The following PCMTD2 variants were observed in gnomAD, a reference collection of about 807,000 sequenced individuals.
PCMTD2 encodes protein-L-isoaspartate (D-aspartate) O-methyltransferase domain containing 2.
In PCMTD2, 16 loss-of-function variants were observed where a neutral mutation model predicts 33.4. The ratio of observed to expected loss-of-function variants is 0.48; its 90% CI spans 0.32 to 0.73. The LOEUF (loss-of-function observed/expected upper bound fraction) is 0.73. PCMTD2 is among the 30% of genes least tolerant of loss of function. The pLI is 0.03. For synonymous variants in PCMTD2, 161 were observed against 160.8 expected (o/e 1.00, Z -0.01); for missense variants, 374 against 449.9 (o/e 0.83, Z 1.53).
chr20:64,270,759 C>G (rs974402696), intron 5 of PCMTD2, among the ~76,000 whole-genome samples: 1 of 144,028 alleles, frequency 6.9e-6, no homozygotes, highest in African/African-American at 2.7e-5. Flanking sequence ...GTGAGGTGTT[C>G]GTTGTGATAC....
intron 2 of PCMTD2, among the ~76,000 whole-genome samples, chr20:64,262,235 C>T (rs559792365): frequency 7.9e-5 from 12 of 151,750 alleles, no homozygotes; most frequent in African/African-American, 2.4e-4. Context: ...GTCTGGCTAA[C>T]GGAGCCAGAC....
chr20:64,257,843 T>G (rs895671528), intron 1 of PCMTD2, among the ~76,000 whole-genome samples: 6 of 152,224 alleles, frequency 3.9e-5, no homozygotes, highest in African/African-American at 1.4e-4. Flanking sequence ...AGCCCCCTCC[T>G]CACAAACTGG....
At chr20:64,273,167 TGTG>T (rs1456292215) in intron 5 of PCMTD2, 51 bp from the exon 6 acceptor site, 3 of 1,503,338 alleles carry the variant, frequency 2.0e-6, no homozygotes, top group Non-Finnish European at 2.7e-6. Context: ...GTGTAGGCGT[TGTG>T]GTGGTGTCAC....
At chr20:64,256,139 A>G (rs1390117447) in intron 1 of PCMTD2, among the ~76,000 whole-genome samples, 2 of 152,182 alleles carry the variant, frequency 1.3e-5, no homozygotes, top group Non-Finnish European at 2.9e-5. Flanking sequence ...GGGTCTGGTT[A>G]GTCCAGACCT....
rs139887900 is a variant in PCMTD2 at position 64,260,647 on chromosome 20, C to T, written c.307+375C>T. Reference sequence around the variant, plus strand: ...CTTCCTTGTCACTCCTTCTCTAAATCGATGGTAATTAACTTGAAAGTCCTT... The same window carrying T: ...CTTCCTTGTCACTCCTTCTCTAAATTGATGGTAATTAACTTGAAAGTCCTT... On this transcript the variant is annotated intron_variant, in intron 2 of 5. Coordinates refer to ENST00000308824, the MANE Select transcript of PCMTD2 (RefSeq NM_018257.3). Among the ~76,000 whole-genome samples the T allele has an allele frequency of 3.0e-3, 448 of 151,242 alleles. 3 individuals carry two copies. The highest frequency in any genetic ancestry group is 5.5e-3 in the Non-Finnish European group (373 of 67,906).
chr20:64,263,503 G>C (rs975983149), intron 2 of PCMTD2, among the ~76,000 whole-genome samples: 1 of 152,330 alleles, frequency 6.6e-6, no homozygotes, highest in African/African-American at 2.4e-5. Context: ...CACTGTAGTA[G>C]TATATCTGTC....
At chr20:64,260,553 C>T (rs1465548559) in intron 2 of PCMTD2, among the ~76,000 whole-genome samples, 1 of 152,096 alleles carries the variant, frequency 6.6e-6, no homozygotes, top group Non-Finnish European at 1.5e-5. Flanking sequence ...CTCTGGACAG[C>T]GGAGGATAAA....
At chr20:64,272,639 T>C (rs997314380) in intron 5 of PCMTD2, among the ~76,000 whole-genome samples, 1 of 152,138 alleles carries the variant, frequency 6.6e-6, no homozygotes, top group African/African-American at 2.4e-5. Context: ...GCCAACGTGG[T>C]TGAAACCCCG....
intron 5 of PCMTD2, among the ~76,000 whole-genome samples, chr20:64,270,525 G>A (rs1025128158): frequency 1.3e-5 from 2 of 151,256 alleles, no homozygotes; most frequent in African/African-American, 4.9e-5. Context: ...GCACGATGTG[G>A]GGTCTTGTGA....
At chr20:64,259,912 A>C (rs1320954898) in intron 1 of PCMTD2, 30 bp from the exon 2 acceptor site, 7 of 1,120,544 alleles carry the variant, frequency 6.2e-6, no homozygotes, top group Non-Finnish European at 9.3e-6. Context: ...TTTAACATAA[A>C]TCGCTCTTTT....
chr20:64,272,229 T>A (rs940475300), intron 5 of PCMTD2: 1 of 471,070 alleles, frequency 2.1e-6, no homozygotes, highest in African/African-American at 2.0e-5. Context: ...TTTCTGACTT[T>A]GGTAATAAAC....
At chr20:64,268,908 A>G (rs1985769132) in intron 5 of PCMTD2, among the ~76,000 whole-genome samples, 4 of 152,216 alleles carry the variant, frequency 2.6e-5, no homozygotes, top group Admixed American at 2.0e-4. Context: ...TAGGACATGC[A>G]AAACGGTTAA....
At position 64,274,519 on chromosome 20, in the gene PCMTD2, G is replaced by A. The variant is rs903558506; in HGVS notation, c.*919G>A. The A allele has an allele frequency of 5.9e-5, 9 of 152,152 alleles. No homozygotes were observed. Among genetic ancestry groups the A allele is most frequent in the African/African-American group, 1.9e-4 (8 of 41,438 alleles). The allele number at this position is 152,152 out of a possible 1,614,324, so 9.4% of individuals were successfully genotyped here. On this transcript the variant is annotated 3_prime_UTR_variant, in exon 6 of 6. Transcript: ENST00000308824. ...ACACCCTCCATCCTCAGAGCAGGTCGAAAATATTAAATAGACTGGGGACTC... is the reference window on the plus strand; with the variant it reads ...ACACCCTCCATCCTCAGAGCAGGTCAAAAATATTAAATAGACTGGGGACTC...
At chr20:64,263,716 C>T (rs1235886928) in intron 2 of PCMTD2, among the ~76,000 whole-genome samples, 1 of 152,190 alleles carries the variant, frequency 6.6e-6, no homozygotes, top group Non-Finnish European at 1.5e-5. Flanking sequence ...CCCCCTCCTC[C>T]TCCTAGAAAG....
Position 64,273,269 on chromosome 20 carries a change from G to A in PCMTD2, c.755G>A (p.Arg252Gln), listed in dbSNP as rs1985982256. The change falls in exon 6 of 6, where the codon CGG becomes CAG. Residue 252 changes from arginine to glutamine, a missense_variant. Coordinates refer to ENST00000308824, the MANE Select transcript of PCMTD2 (RefSeq NM_018257.3). ...SLQDLARIAI[R>Q]GTIKKIIHQE... is the part of the protein sequence containing the mutation. ...CAGGACTTGGCTCGCATCGCCATCC[G>A]GGGCACCATTAAAAAGATTATTCAT... is the stretch of plus-strand genomic sequence containing the variant. 2.5e-6 allele frequency: 4 copies of A among 1,613,970 alleles called. No individual in the cohort carries two copies. The highest frequency in any genetic ancestry group is 2.7e-5 in the African/African-American group (2 of 74,984).
chr20:64,263,928 T>C (rs1026533360), intron 2 of PCMTD2, among the ~76,000 whole-genome samples: 2 of 152,248 alleles, frequency 1.3e-5, no homozygotes, highest in African/African-American at 4.8e-5. Context: ...AGTGGACTTG[T>C]AACATTTCTC....
chr20:64,273,401 A>G lies in PCMTD2; in HGVS notation c.887A>G (p.Glu296Gly). 1 of 1,614,102 alleles carries G rather than the reference A, an allele frequency of 6.2e-7. No individual in the cohort carries two copies. Among genetic ancestry groups the G allele is most frequent in the Non-Finnish European group, 8.5e-7 (1 of 1,179,930 alleles). ...GAAACGATTGTCTTTTTGGACAAAG[A>G]AGTCTTTGCCAGTCGGATTTCCAAC... ...RMETIVFLDK[E>G]VFASRISNPS... Residue 296 changes from glutamate to glycine, a missense_variant, in exon 6 of 6, where the codon GAA (glutamate) becomes GGA (glycine). Coordinates refer to ENST00000308824, the MANE Select transcript of PCMTD2 (RefSeq NM_018257.3).
Position 64,264,500 on chromosome 20 carries a change from T to G in PCMTD2, c.379T>G (p.Phe127Val). Residue 127 changes from phenylalanine to valine, a missense_variant, in exon 3 of 6, where the codon TTC (phenylalanine) becomes GTC (valine). Phe to Val is a conservative substitution (Grantham distance 50). Coordinates refer to ENST00000308824, the MANE Select transcript of PCMTD2 (RefSeq NM_018257.3). Reference protein sequence around the residue: ...VIEYAKQKLDFFIRTSDSFDK... With the variant: ...VIEYAKQKLDVFIRTSDSFDK... ...AGAGTATGCAAAGCAGAAACTGGAC[T>G]TCTTCATCAGAACAAGTGATAGTTT... 1 of 1,593,904 alleles carries G rather than the reference T, an allele frequency of 6.3e-7. No individual in the cohort carries two copies. Among genetic ancestry groups the G allele is most frequent in the Non-Finnish European group, 8.6e-7 (1 of 1,161,692 alleles).
Position 64,273,738 on chromosome 20 carries a change from T to G in PCMTD2, c.*138T>G, listed in dbSNP as rs1027454145. On this transcript the variant is annotated 3_prime_UTR_variant, in exon 6 of 6. Transcript: ENST00000308824. ...TGCTGGGCTCATCCACACCATGGTT[T>G]TCTTCTAGTTCCTGATTGACCTCTA... The G allele has an allele frequency of 1.5e-5, 8 of 531,774 alleles. No homozygotes were observed. The highest frequency in any genetic ancestry group is 8.1e-5 in the African/African-American group (2 of 24,814). 32.9% of individuals were successfully genotyped at this position (531,774 alleles called of 1,614,324 possible).
Sources: allele counts gnomAD v4.1 joint callset (sites outside exome capture counted in the v4.1 genomes callset), GRCh38; gene constraint gnomAD v4.1.1; transcripts MANE v1.5; gene names NCBI Gene and HGNC (gene_info 2026-07-23, HGNC 2026-07-21).